Variants in PPP6R3 observed in about 807,000 individuals in gnomAD.
PPP6R3 encodes the protein serine/threonine-protein phosphatase 6 regulatory subunit 3.
In PPP6R3, 38 loss-of-function variants were observed where a neutral mutation model predicts 110.7. The observed-to-expected ratio is 0.34, with a 90% CI of 0.26 to 0.45. The LOEUF (loss-of-function observed/expected upper bound fraction) is 0.45, where lower values mean the gene tolerates loss of function less well. PPP6R3 is among the 20% of genes least tolerant of loss of function. The pLI is 1.00. For synonymous variants in PPP6R3, 369 were observed against 373.5 expected (o/e 0.99, Z 0.14); for missense variants, 870 against 1,062.4 (o/e 0.82, Z 2.52).
intron 1 of PPP6R3, among the ~76,000 whole-genome samples, chr11:68,492,118 A>G (rs1311237378): frequency 6.6e-6 from 1 of 152,100 alleles, no homozygotes; most frequent in Non-Finnish European, 1.5e-5. Flanking sequence ...AGTGTCTTCA[A>G]GGTTTACTCA....
intron 1 of PPP6R3, among the ~76,000 whole-genome samples, chr11:68,461,613 CT>C (rs1305299274): frequency 6.6e-6 from 1 of 152,050 alleles, no homozygotes; most frequent in Non-Finnish European, 1.5e-5. Context: ...ACAATTTAGA[CT>C]TTTTAATTAT....
At chr11:68,530,237 A>G (rs530762223) in intron 2 of PPP6R3, among the ~76,000 whole-genome samples, 9 of 152,208 alleles carry the variant, frequency 5.9e-5, no homozygotes, top group East Asian at 5.8e-4. Context: ...TAGTTCTAGT[A>G]GTTTTAATAG....
intron 1 of PPP6R3, among the ~76,000 whole-genome samples, chr11:68,508,389 C>G (rs1326195558): frequency 2.0e-5 from 3 of 152,210 alleles, no homozygotes; most frequent in East Asian, 3.9e-4. Flanking sequence ...CTCCACCTCT[C>G]ACAGTGCTGG....
intron 15 of PPP6R3, among the ~76,000 whole-genome samples, chr11:68,585,712 C>T (rs1038957324): frequency 1.3e-5 from 2 of 152,114 alleles, no homozygotes; most frequent in East Asian, 3.8e-4. Context: ...AGGATTACAT[C>T]TGATCATTTT....
At chr11:68,489,350 T>C (rs2098968775) in intron 1 of PPP6R3, among the ~76,000 whole-genome samples, 1 of 152,200 alleles carries the variant, frequency 6.6e-6, no homozygotes, top group African/African-American at 2.4e-5. Context: ...GATCATTTTA[T>C]ATGATTTCCA....
At chr11:68,579,408 C>T (rs1175434268) in intron 14 of PPP6R3, among the ~76,000 whole-genome samples, 1 of 152,150 alleles carries the variant, frequency 6.6e-6, no homozygotes, top group African/African-American at 2.4e-5. Context: ...ATAATATCTC[C>T]GAAACTGTGT....
chr11:68,605,760 A>G (rs547776681), intron 22 of PPP6R3, among the ~76,000 whole-genome samples: 2 of 152,336 alleles, frequency 1.3e-5, no homozygotes, highest in South Asian at 4.1e-4. Context: ...AATTTTTTTA[A>G]ATGGACAAAG....
At chr11:68,505,579 T>C (rs2099071771) in intron 1 of PPP6R3, among the ~76,000 whole-genome samples, 2 of 151,982 alleles carry the variant, frequency 1.3e-5, no homozygotes. Flanking sequence ...TTGTATTAGG[T>C]TGGTACAAAA....
chr11:68,600,887 G>A (rs566325882), intron 20 of PPP6R3, among the ~76,000 whole-genome samples: 2 of 152,322 alleles, frequency 1.3e-5, no homozygotes, highest in Admixed American at 1.3e-4. Context: ...TCTGTGTGGG[G>A]TGTGGCAGGC....
chr11:68,489,262 G>T (rs189047845), intron 1 of PPP6R3, among the ~76,000 whole-genome samples: 6 of 151,922 alleles, frequency 3.9e-5, no homozygotes, highest in Admixed American at 3.3e-4. Flanking sequence ...CTCATGATCC[G>T]CCCGCCTCGG....
At chr11:68,572,907 A>C (rs980810231) in intron 12 of PPP6R3, among the ~76,000 whole-genome samples, 3 of 150,652 alleles carry the variant, frequency 2.0e-5, no homozygotes, top group Admixed American at 6.6e-5. Flanking sequence ...ATTCTCTAGC[A>C]GATACTTTAT....
intron 1 of PPP6R3, among the ~76,000 whole-genome samples, chr11:68,492,029 C>G (rs2098987401): frequency 6.6e-6 from 1 of 152,208 alleles, no homozygotes; most frequent in Non-Finnish European, 1.5e-5. Flanking sequence ...TCTACTGTCT[C>G]CATGAATTCG....
chr11:68,497,974 G>A (rs1395763718), intron 1 of PPP6R3, among the ~76,000 whole-genome samples: 1 of 152,158 alleles, frequency 6.6e-6, no homozygotes, highest in Admixed American at 6.5e-5. Context: ...TAGGAACCAT[G>A]TATTTGTGGA....
In PPP6R3 at chr11:68,591,669, C is replaced by G. The variant is rs1487712867; in HGVS notation, c.1879C>G (p.His627Asp). 9.9e-6 allele frequency: 16 copies of G among 1,613,182 alleles called. No homozygotes were observed. Among genetic ancestry groups the G allele is most frequent in the Non-Finnish European group, 1.4e-5 (16 of 1,179,644 alleles). The change falls in exon 18 of 24, where the codon CAC becomes GAC. Residue 627 changes from histidine (H) to aspartate (D), a missense_variant. His to Asp is a moderately conservative substitution (Grantham distance 81). Transcript: ENST00000393800. ...SDEEDIWEEK[H>D]IAFTPESQRR... ...TGAGGAAGATATATGGGAGGAAAAG[C>G]ACATCGCATTCACACCAGAATCCCA...
chr11:68,590,527 T>G, intron 16 of PPP6R3, 133 bp from the exon 17 acceptor site: 3 of 1,010,348 alleles, frequency 3.0e-6, no homozygotes, highest in Non-Finnish European at 4.1e-6. Context: ...AGAAGGTTGT[T>G]TCTGTTTGTT....
intron 1 of PPP6R3, among the ~76,000 whole-genome samples, chr11:68,492,469 G>A (rs765904451): frequency 1.3e-5 from 2 of 152,202 alleles, no homozygotes; most frequent in Non-Finnish European, 2.9e-5. Context: ...TTAAGGCTGA[G>A]TTATATTTCA....
intron 21 of PPP6R3, 114 bp from the exon 22 acceptor site, chr11:68,603,228 C>CTTTT: frequency 1.5e-6 from 2 of 1,366,512 alleles, no homozygotes; most frequent in African/African-American, 1.5e-5. Flanking sequence ...CCATCTCACT[C>CTTTT]TTTTTTTTCT....
intron 19 of PPP6R3, among the ~76,000 whole-genome samples, chr11:68,596,458 G>A (rs1286804535): frequency 6.6e-6 from 1 of 152,208 alleles, no homozygotes; most frequent in African/African-American, 2.4e-5. Flanking sequence ...AACGTCAGCT[G>A]TGTGGGTCTG....
intron 1 of PPP6R3, among the ~76,000 whole-genome samples, chr11:68,464,362 C>T (rs1385207874): frequency 6.6e-6 from 1 of 152,048 alleles, no homozygotes; most frequent in Non-Finnish European, 1.5e-5. Flanking sequence ...AACTCCTGAC[C>T]TCGTGATCTA....
Sources: gnomAD v4.1 joint callset for allele counts (sites outside exome capture counted in the v4.1 genomes callset) on GRCh38, gnomAD v4.1.1 for gene constraint, MANE v1.5 for transcripts, NCBI Gene and HGNC (gene_info 2026-07-23, HGNC 2026-07-21) for gene names.